The following TPD52L1 variants were observed in gnomAD, a reference collection of about 807,000 sequenced individuals.
The protein encoded by TPD52L1 is TPD52 like 1.
TPD52L1 carries 18 observed loss-of-function variants against 28.7 expected under a neutral mutation model. The ratio of observed to expected loss-of-function variants is 0.63; its 90% CI spans 0.43 to 0.93. The LOEUF is 0.93. Ranked by LOEUF, TPD52L1 falls within the 40% of genes least tolerant of loss-of-function variation. The pLI is 0.00. For synonymous variants in TPD52L1, 75 were observed against 88.8 expected (o/e 0.84, Z 0.88); for missense variants, 203 against 254.8 (o/e 0.80, Z 1.39).
chr6:125,172,107 T>G lies in TPD52L1; in HGVS notation c.19+18137T>G, dbSNP rs1425818258. 3.2e-3 allele frequency among the ~76,000 whole-genome samples: 181 copies of G among 55,920 alleles called. 2 individuals carry two copies. Among genetic ancestry groups the G allele is most frequent in the African/African-American group, 0.013 (174 of 13,518 alleles). The allele number at this position is 55,920 out of a possible 152,430, so 36.7% of individuals were successfully genotyped here. A position where few individuals can be genotyped will look rare whatever the true frequency, so the allele number is the denominator to read the frequency against. ...CTTTCTTTCTTTCTTTCCCTTTCTTTCTTTCTTTCTTTCTTTCTTTCTTTC... is the reference window on the plus strand; with the variant it reads ...CTTTCTTTCTTTCTTTCCCTTTCTTGCTTTCTTTCTTTCTTTCTTTCTTTC... On this transcript the variant is annotated intron_variant, in intron 1 of 6. Coordinates refer to ENST00000534000, the MANE Select transcript of TPD52L1 (RefSeq NM_003287.4).
rs747392476 is a variant in TPD52L1 at position 125,220,096 on chromosome 6, C to G, written c.38C>G (p.Pro13Arg). ...AQAQGLLETE[P>R]LQGTDEDAVA... is the part of the protein sequence containing the mutation. ...CCTAAAGGTTTGTTGGAGACTGAACCGTTGCAAGGAACAGACGAAGATGCA... is the reference window on the plus strand; with the variant it reads ...CCTAAAGGTTTGTTGGAGACTGAACGGTTGCAAGGAACAGACGAAGATGCA... The change falls in exon 2 of 7, where the codon CCG becomes CGG. Residue 13 changes from proline (P) to arginine (R), a missense_variant. By Grantham distance (103) the Pro-to-Arg change is moderately radical. Coordinates refer to ENST00000534000, the MANE Select transcript of TPD52L1 (RefSeq NM_003287.4). 6.2e-7 allele frequency: 1 copy of G among 1,613,432 alleles called. No homozygotes were observed. Among genetic ancestry groups the G allele is most frequent in the Admixed American group, 1.7e-5 (1 of 59,988 alleles).
chr6:125,197,523 T>C (rs1793519250), intron 1 of TPD52L1, among the ~76,000 whole-genome samples: 1 of 152,128 alleles, frequency 6.6e-6, no homozygotes, highest in African/African-American at 2.4e-5. Flanking sequence ...CAAGAGACAC[T>C]CTCCTCTTTC....
rs1491322342 is a variant in TPD52L1, at chr6:125,260,950, AAG to A, written c.487-1882_487-1881del. On this transcript the variant is annotated intron_variant, in intron 6 of 6. Coordinates refer to ENST00000534000, the MANE Select transcript of TPD52L1 (RefSeq NM_003287.4). ...AAAGAAAGAAAGAAAGAAAGAAAGA[AAG>A]AAAGAAAGAAAGAAAGAAAGAAAGA... is the stretch of plus-strand genomic sequence containing the variant. The A allele has an allele frequency of 8.3e-4, 32 of 38,602 alleles. 1 individual carries two copies. The highest frequency in any genetic ancestry group is 6.5e-3 in the African/African-American group (23 of 3,542). The allele number at this position is 38,602 out of a possible 1,614,324, so 2.4% of individuals were successfully genotyped here.
At chr6:125,248,411 G>C (rs892327836) in intron 4 of TPD52L1, 28 bp downstream of exon 4, 4 of 1,577,794 alleles carry the variant, frequency 2.5e-6, no homozygotes, top group African/African-American at 1.3e-5. Flanking sequence ...CATGGGAACG[G>C]CGCTAAGCCC....
chr6:125,228,652 T>C (rs1795762357), intron 2 of TPD52L1, among the ~76,000 whole-genome samples: 1 of 152,100 alleles, frequency 6.6e-6, no homozygotes, highest in Non-Finnish European at 1.5e-5. Flanking sequence ...ACCAGCCTGG[T>C]CAACATAGTG....
chr6:125,225,119 GC>G (rs1432656633), intron 2 of TPD52L1, among the ~76,000 whole-genome samples: 8 of 152,164 alleles, frequency 5.3e-5, no homozygotes, highest in African/African-American at 1.9e-4. Context: ...TTTGTGTCTG[GC>G]TTCTTTCACT....
intron 1 of TPD52L1, among the ~76,000 whole-genome samples, chr6:125,183,194 G>A (rs1792331960): frequency 6.6e-6 from 1 of 152,164 alleles, no homozygotes; most frequent in Non-Finnish European, 1.5e-5. Context: ...GTTAGAAATG[G>A]AGACCAGGTG....
intron 6 of TPD52L1, chr6:125,261,049 A>G (rs1798024502): frequency 6.0e-5 from 9 of 149,466 alleles, no homozygotes; most frequent in South Asian, 2.1e-4. Context: ...AGAAAGAAAG[A>G]AAAGGGGAAG....
At chr6:125,172,137 TTTCTTTC>T (rs1156844502) in intron 1 of TPD52L1, among the ~76,000 whole-genome samples, 1 of 77,814 alleles carries the variant, frequency 1.3e-5, no homozygotes, top group African/African-American at 6.5e-5. Flanking sequence ...TCTTTCTTTC[TTTCTTTC>T]TTTCTTTCTT....
At chr6:125,256,497 A>AT (rs1224576881) in intron 5 of TPD52L1, among the ~76,000 whole-genome samples, 1 of 152,278 alleles carries the variant, frequency 6.6e-6, no homozygotes, top group African/African-American at 2.4e-5. Context: ...TCATCTTAAA[A>AT]TAATGAAAGC....
chr6:125,254,013 G>A (rs1797437867), intron 5 of TPD52L1: 1 of 655,452 alleles, frequency 1.5e-6, no homozygotes, highest in Non-Finnish European at 2.8e-6. Context: ...TATATTGCAA[G>A]AAATAAGACC....
chr6:125,194,144 G>A (rs560207398), intron 1 of TPD52L1, among the ~76,000 whole-genome samples: 1 of 141,998 alleles, frequency 7.0e-6, no homozygotes, highest in Non-Finnish European at 1.5e-5. Flanking sequence ...TTTTGTTTTT[G>A]TTTTACTTAA....
chr6:125,163,320 G>A (rs1368297922), intron 1 of TPD52L1, among the ~76,000 whole-genome samples: 1 of 152,198 alleles, frequency 6.6e-6, no homozygotes, highest in East Asian at 1.9e-4. Context: ...TTAGTCAGGT[G>A]CAGTGGCTCC....
intron 5 of TPD52L1, 174 bp downstream of exon 5, chr6:125,253,929 C>CA (rs1186563751): frequency 1.3e-6 from 1 of 776,854 alleles, no homozygotes; most frequent in East Asian, 2.4e-5. Context: ...GGCTTTTGAC[C>CA]AGACATCCTG....
intron 1 of TPD52L1, among the ~76,000 whole-genome samples, chr6:125,172,439 C>T (rs1323116687): frequency 1.5e-5 from 2 of 132,054 alleles, no homozygotes; most frequent in Non-Finnish European, 3.1e-5. Flanking sequence ...AGGCATTAGC[C>T]ACCACACCTG....
rs561166797 is a variant in TPD52L1, at chr6:125,192,270, T to C, written c.20-27808T>C. 5.9e-5 allele frequency among the ~76,000 whole-genome samples: 9 copies of C among 152,284 alleles called. No homozygotes were observed. In the Middle Eastern group the frequency reaches 0.014, roughly 230 times the overall value. On this transcript the variant is annotated intron_variant, in intron 1 of 6. Transcript: ENST00000534000. ...GCTGACCTGAGCAGAATAAAGTTCT[T>C]TGGGTTCAATCTGCAGCAATCAGAA...
rs182073714 is a variant in TPD52L1, at chr6:125,211,829, C to G, written c.20-8249C>G. Among the ~76,000 whole-genome samples, 272 of 152,170 alleles carry G rather than the reference C, an allele frequency of 1.8e-3. 1 individual carries two copies. Among genetic ancestry groups the G allele is most frequent in the African/African-American group, 6.2e-3 (258 of 41,512 alleles). ...ACTACACACCTGATTCAATAATAGG[C>G]GAGATACGAGTTGTTAGCAAATGAA... On this transcript the variant is annotated intron_variant, in intron 1 of 6. Coordinates refer to ENST00000534000, the MANE Select transcript of TPD52L1 (RefSeq NM_003287.4).
At chr6:125,192,322 T>A (rs866358649) in intron 1 of TPD52L1, among the ~76,000 whole-genome samples, 1,240 of 83,384 alleles carry the variant, frequency 0.015, 23 homozygotes, top group African/African-American at 0.036. Flanking sequence ...AAAAAAAATC[T>A]TTTTTTTTTT....
At chr6:125,213,096 G>C (rs980228640) in intron 1 of TPD52L1, among the ~76,000 whole-genome samples, 18 of 152,212 alleles carry the variant, frequency 1.2e-4, no homozygotes, top group African/African-American at 4.1e-4. Context: ...TTACACTACA[G>C]CTTGGTATGT....
Sources: gnomAD v4.1 joint callset for allele counts (sites outside exome capture counted in the v4.1 genomes callset) on GRCh38, gnomAD v4.1.1 for gene constraint, MANE v1.5 for transcripts, NCBI Gene and HGNC (gene_info 2026-07-23, HGNC 2026-07-21) for gene names.